The following DST variants were observed in gnomAD, a reference collection of about 807,000 sequenced individuals.
DST encodes the protein dystonin, also known as bullous pemphigoid antigen.
In DST, 253 loss-of-function variants were observed where a neutral mutation model predicts 875.2. The ratio of observed to expected loss-of-function variants is 0.29; its 90% CI spans 0.26 to 0.32. DST has a LOEUF of 0.32. Ranked by LOEUF, DST falls within the 10% of genes least tolerant of loss-of-function variation. DST has a pLI of 1.00. For missense variants in DST, 8,287 were observed against 9,111.6 expected (o/e 0.91, Z 3.68); for synonymous variants, 3,124 against 3,197.1 (o/e 0.98, Z 0.77).
intron 1 of DST, among the ~76,000 whole-genome samples, chr6:56,954,040 G>C (rs914988163): frequency 3.9e-5 from 6 of 152,200 alleles, no homozygotes; most frequent in African/African-American, 1.4e-4. Context: ...GAGTTGGGGA[G>C]CCCCGAAGTT....
intron 80 of DST, among the ~76,000 whole-genome samples, chr6:56,498,774 C>A (rs936455905): frequency 6.6e-6 from 1 of 151,960 alleles, no homozygotes; most frequent in Non-Finnish European, 1.5e-5. Flanking sequence ...ACGAGGGGTC[C>A]TGGAATTGAC....
intron 2 of DST, among the ~76,000 whole-genome samples, chr6:56,933,616 T>C (rs1216852781): frequency 6.6e-6 from 1 of 152,154 alleles, no homozygotes; most frequent in East Asian, 1.9e-4. Flanking sequence ...TGTTTAATCC[T>C]CATTTTTAAG....
At chr6:56,624,295 A>T (rs1476620854) in intron 36 of DST, 1 of 625,684 alleles carries the variant, frequency 1.6e-6, no homozygotes, top group African/African-American at 1.8e-5. Flanking sequence ...CTGAAGTGAA[A>T]ATGTAAAGTC....
rs555627235 is a variant in DST, at chr6:56,741,967, A to G, written c.626-6678T>C. 3.0e-4 allele frequency among the ~76,000 whole-genome samples: 45 copies of G among 152,336 alleles called. 1 individual carries two copies. The South Asian group carries it at 8.7e-3, about 29-fold the overall frequency. Reference sequence around the variant, plus strand: ...AATTGGGGGGGAACAAATAAATGCAAAAAGAGTACTGATTATTACAATCTA... The same window carrying G: ...AATTGGGGGGGAACAAATAAATGCAGAAAGAGTACTGATTATTACAATCTA... On this transcript the variant is annotated intron_variant, in intron 4 of 103. Transcript: ENST00000680361.
chr6:56,493,135 T>C (rs2095804714), intron 83 of DST, 46 bp from the exon 84 acceptor site: 1 of 1,550,700 alleles, frequency 6.4e-7, no homozygotes, highest in Non-Finnish European at 8.7e-7. Flanking sequence ...GGGCCTTGGT[T>C]ATTTTGTTTG....
At chr6:56,825,714 A>C (rs1296560723) in intron 4 of DST, among the ~76,000 whole-genome samples, 1 of 152,178 alleles carries the variant, frequency 6.6e-6, no homozygotes, top group East Asian at 1.9e-4. Context: ...AAGTTGTACT[A>C]TATAGGACTA....
intron 4 of DST, among the ~76,000 whole-genome samples, chr6:56,846,947 G>A (rs1041584237): frequency 7.0e-6 from 1 of 143,600 alleles, no homozygotes; most frequent in Non-Finnish European, 1.5e-5. Context: ...AGGTTGCAGT[G>A]AGCTGAGATC....
chr6:56,526,294 T>C, intron 69 of DST, 67 bp downstream of exon 69: 1 of 1,481,130 alleles, frequency 6.8e-7, no homozygotes, highest in South Asian at 1.2e-5. Context: ...TCATCTTTGT[T>C]CAGGTAAAAG....
At chr6:56,760,364 C>T (rs554777912) in intron 4 of DST, among the ~76,000 whole-genome samples, 24 of 152,300 alleles carry the variant, frequency 1.6e-4, no homozygotes, top group African/African-American at 5.8e-4. Flanking sequence ...TCCAGCATCT[C>T]TTAATACTAC....
chr6:56,821,170 C>T (rs143079723), intron 4 of DST, among the ~76,000 whole-genome samples: 27 of 152,334 alleles, frequency 1.8e-4, no homozygotes, highest in African/African-American at 6.5e-4. Context: ...AACAGGCCCA[C>T]AGTCACTCTA....
chr6:56,830,592 T>C (rs2099785821), intron 4 of DST, among the ~76,000 whole-genome samples: 2 of 152,184 alleles, frequency 1.3e-5, no homozygotes, highest in Admixed American at 6.5e-5. Flanking sequence ...TCTGTCTAAA[T>C]GTACAACCCT....
At chr6:56,611,873 G>A (rs935942907) in intron 37 of DST, among the ~76,000 whole-genome samples, 4 of 152,154 alleles carry the variant, frequency 2.6e-5, no homozygotes, top group East Asian at 1.9e-4. Context: ...TAGTCCAGCC[G>A]TGGATAAAGG....
intron 100 of DST, chr6:56,464,402 C>T (rs2094481099): frequency 6.7e-6 from 3 of 448,814 alleles, no homozygotes; most frequent in Non-Finnish European, 1.2e-5. Flanking sequence ...GTCAGTGATG[C>T]AGCACTCATA....
At chr6:56,672,226 C>T (rs1308192794) in intron 9 of DST, among the ~76,000 whole-genome samples, 2 of 152,202 alleles carry the variant, frequency 1.3e-5, no homozygotes, top group African/African-American at 4.8e-5. Context: ...TGCCAGGCCT[C>T]GCAGCCCCTG....
At chr6:56,599,910 T>C (rs1026341553) in intron 45 of DST, among the ~76,000 whole-genome samples, 159 bp downstream of exon 45, 5 of 152,112 alleles carry the variant, frequency 3.3e-5, no homozygotes, top group African/African-American at 4.8e-5. Context: ...ATCTAACTTT[T>C]AGTATAAAGT....
chr6:56,551,287 T>C (rs531854001), intron 61 of DST, among the ~76,000 whole-genome samples: 1 of 152,110 alleles, frequency 6.6e-6, no homozygotes, highest in African/African-American at 2.4e-5. Flanking sequence ...ACTGTTTTTA[T>C]TTGGTCTTAG....
chr6:56,607,647 T>C lies in DST; in HGVS notation c.6981A>G (p.Ser2327=), dbSNP rs1350896023. The C allele has an allele frequency of 6.2e-7, 1 of 1,613,450 alleles. No individual in the cohort carries two copies. Among genetic ancestry groups the C allele is most frequent in the East Asian group, 2.2e-5 (1 of 44,856 alleles). Residue 2327 remains serine (S), a synonymous_variant, in exon 40 of 104, where the codon TCA becomes TCG. Coordinates refer to ENST00000680361, the MANE Select transcript of DST (RefSeq NM_001374736.1). ...SQSGKLASTI[S]IDPKVNSSPS... ...GTGAACTGTTAACTTTAGGATCAATTGATATTGTACTTGCCAGTTTTCCTG... is the reference window on the plus strand; with the variant it reads ...GTGAACTGTTAACTTTAGGATCAATCGATATTGTACTTGCCAGTTTTCCTG...
At position 56,604,071 on chromosome 6, in the gene DST, AG is replaced by A; in HGVS notation, c.10556del (p.Ser3519LeufsTer3). The A allele has an allele frequency of 6.3e-7, 1 of 1,583,186 alleles. No individual in the cohort carries two copies. Among genetic ancestry groups the A allele is most frequent in the South Asian group, 1.1e-5 (1 of 87,604 alleles). On this transcript the variant is annotated frameshift_variant, in exon 40 of 104. Coordinates refer to ENST00000680361, the MANE Select transcript of DST (RefSeq NM_001374736.1). LOFTEE classifies it high-confidence loss of function. ...GDFNQKACST[S>X]EMMEEKPHIL... ...TATGTGGCTTTTCTTCCATCATCTC[AG>A]ATGTAGAACATGCTTTTTGATTAAA...
At chr6:56,686,503 T>C (rs910253685) in intron 9 of DST, among the ~76,000 whole-genome samples, 2 of 152,204 alleles carry the variant, frequency 1.3e-5, no homozygotes, top group African/African-American at 4.8e-5. Flanking sequence ...TTTTCATTGT[T>C]GTTGTTTTGT....
Sources: allele counts gnomAD v4.1 joint callset (sites outside exome capture counted in the v4.1 genomes callset), GRCh38; gene constraint gnomAD v4.1.1; transcripts MANE v1.5; gene names NCBI Gene and HGNC (gene_info 2026-07-23, HGNC 2026-07-21).